The following SPRY1 variants were observed in gnomAD, a reference collection of about 807,000 sequenced individuals.
The protein encoded by SPRY1 is sprouty RTK signaling antagonist 1.
Under a neutral mutation model 22.6 loss-of-function variants are expected in SPRY1, and 20 were observed. That is an observed-to-expected ratio of 0.89 (90% confidence interval 0.62 to 1.29). SPRY1 has a LOEUF of 1.29. SPRY1 is among the 50% of genes most tolerant of loss of function. The pLI, the probability that SPRY1 is intolerant of heterozygous loss-of-function variation, is 0.00. For missense variants in SPRY1, 446 were observed against 387.7 expected (o/e 1.15, Z -1.26); for synonymous variants, 155 against 144.7 (o/e 1.07, Z -0.51).
At chr4:123,401,204 C>G (rs775357134) in intron 2 of SPRY1, among the ~76,000 whole-genome samples, 1 of 152,200 alleles carries the variant, frequency 6.6e-6, no homozygotes, top group African/African-American at 2.4e-5. Context: ...TGCTTATACT[C>G]AGTATTCCCT....
At chr4:123,400,112 A>G (rs2126195720) in intron 2 of SPRY1, 1 of 152,330 alleles carries the variant, frequency 6.6e-6, no homozygotes, top group Non-Finnish European at 1.5e-5. Flanking sequence ...CACTGAGTTA[A>G]GAAGTTCTTG....
In SPRY1 at chr4:123,401,805, G is replaced by A; in HGVS notation, c.214G>A (p.Glu72Lys). 6.2e-7 allele frequency: 1 copy of A among 1,614,216 alleles called. No homozygotes were observed. Among genetic ancestry groups the A allele is most frequent in the Non-Finnish European group, 8.5e-7 (1 of 1,180,054 alleles). Residue 72 changes from glutamate (E) to lysine (K), a missense_variant, in exon 3 of 3, where the codon GAA becomes AAA. Physicochemically the swap from Glu to Lys is moderately conservative, Grantham distance 56. Coordinates refer to ENST00000651917, the MANE Select transcript of SPRY1 (RefSeq NM_001258038.2). ...RPAPRTAPRQ[E>K]KHERTHEIIP... is the part of the protein sequence containing the mutation. ...TGCTCCTCGGACAGCACCAAGACAA[G>A]AAAAGCATGAAAGGACTCATGAAAT...
In SPRY1 at chr4:123,401,478, C is replaced by A. The variant is rs300573; in HGVS notation, c.-55-59C>A. 714,933 of 1,180,962 alleles carry A rather than the reference C, an allele frequency of 0.61. 223,299 individuals carry two copies. The highest frequency in any genetic ancestry group is 0.65 in the Non-Finnish European group (559,199 of 854,930). The allele number at this position is 1,180,962 out of a possible 1,614,324, so 73.2% of individuals were successfully genotyped here. A position where few individuals can be genotyped will look rare whatever the true frequency, so the allele number is the denominator to read the frequency against. On this transcript the variant is annotated intron_variant, in intron 2 of 2. Coordinates refer to ENST00000651917, the MANE Select transcript of SPRY1 (RefSeq NM_001258038.2). ...GTGATTTGACAGGATTCCCCCCCCC[C>A]AAAAAAAATGCTTCCTGTCATTTAT... is the stretch of plus-strand genomic sequence containing the variant.
At chr4:123,399,159 C>T (rs1470496700) in intron 2 of SPRY1, among the ~76,000 whole-genome samples, 2 of 152,098 alleles carry the variant, frequency 1.3e-5, no homozygotes, top group African/African-American at 4.8e-5. Context: ...CGCTGATCAC[C>T]TGAGGTCAGG....
chr4:123,402,287 CTCCAA>C lies in SPRY1; in HGVS notation c.698_702del (p.Ser233Ter), dbSNP rs1228429009. On this transcript the variant is annotated frameshift_variant, in exon 3 of 3. Transcript: ENST00000651917. LOFTEE classifies it high-confidence loss of function. ...TAGTCAAGGGCATCTTCTACCACTG[CTCCAA>C]TGACGACGAAGGGGATTCCTATTCA... is the stretch of plus-strand genomic sequence containing the variant. 6.2e-7 allele frequency: 1 copy of C among 1,614,250 alleles called. No individual in the cohort carries two copies. The highest frequency in any genetic ancestry group is 1.7e-5 in the Admixed American group (1 of 60,028).
chr4:123,397,433 T>A (rs1379276981), intron 1 of SPRY1, among the ~76,000 whole-genome samples, 178 bp from the exon 2 acceptor site: 1 of 152,184 alleles, frequency 6.6e-6, no homozygotes. Flanking sequence ...CAGGACTGCA[T>A]GTTACTTTGG....
In SPRY1 at chr4:123,401,554, A is replaced by T; in HGVS notation, c.-38A>T. 1 of 1,580,064 alleles carries T rather than the reference A, an allele frequency of 6.3e-7. No individual in the cohort carries two copies. On this transcript the variant is annotated 5_prime_UTR_variant, in exon 3 of 3. Coordinates refer to ENST00000651917, the MANE Select transcript of SPRY1 (RefSeq NM_001258038.2). ...CGTTTTAGGATTTCAGATGCATGCC[A>T]GGTTTCCACTGATTGCCAGAACTCG... is the stretch of plus-strand genomic sequence containing the variant.
Position 123,403,452 on chromosome 4 carries a change from T to G in SPRY1, c.*901T>G, listed in dbSNP as rs1218036270. ...GCCCCTTGGATAGTTAACAGCTGAG[T>G]AATTCTAATCTCTTCTGTGTTTTCC... On this transcript the variant is annotated 3_prime_UTR_variant, in exon 3 of 3. Coordinates refer to ENST00000651917, the MANE Select transcript of SPRY1 (RefSeq NM_001258038.2). The G allele has an allele frequency of 6.0e-6, 1 of 167,120 alleles. No homozygotes were observed. Among genetic ancestry groups the G allele is most frequent in the Non-Finnish European group, 1.5e-5 (1 of 68,122 alleles). The allele number at this position is 167,120 out of a possible 1,614,324, so 10.4% of individuals were successfully genotyped here.
In SPRY1 at chr4:123,402,461, C is replaced by T; in HGVS notation, c.870C>T (p.Ile290=). The change falls in exon 3 of 3, where the codon ATC becomes ATT. Residue 290 remains isoleucine, a synonymous_variant. Coordinates refer to ENST00000651917, the MANE Select transcript of SPRY1 (RefSeq NM_001258038.2). ...TGTGCAGGAGGTGTTATGACTGGAT[C>T]CATCGCCCAGGGTGCAGATGTAAGA... is the stretch of plus-strand genomic sequence containing the variant. ...LKLCRRCYDW[I]HRPGCRCKNS... The T allele has an allele frequency of 1.2e-6, 2 of 1,614,132 alleles. No homozygotes were observed. Among genetic ancestry groups the T allele is most frequent in the East Asian group, 2.2e-5 (1 of 44,878 alleles).
rs1002544590 is a variant in SPRY1 at position 123,403,707 on chromosome 4, G to A, written c.*1156G>A. On this transcript the variant is annotated 3_prime_UTR_variant, in exon 3 of 3. Coordinates refer to ENST00000651917, the MANE Select transcript of SPRY1 (RefSeq NM_001258038.2). ...TTAACGGAAAATAAGGTGACACGAA[G>A]AAAGTACATATGTTAACTATAATGC... is the stretch of plus-strand genomic sequence containing the variant. 1 of 167,048 alleles carries A rather than the reference G, an allele frequency of 6.0e-6. No homozygotes were observed. 10.3% of individuals were successfully genotyped at this position (167,048 alleles called of 1,614,324 possible).
chr4:123,402,628 G>C lies in SPRY1; in HGVS notation c.*77G>C, dbSNP rs300575. 0.1 allele frequency: 152,957 copies of C among 1,512,902 alleles called. 8,489 individuals are homozygous for C. Among genetic ancestry groups the C allele is most frequent in the Middle Eastern group, 0.16 (726 of 4,610 alleles). The allele number at this position is 1,512,902 out of a possible 1,614,324, so 93.7% of individuals were successfully genotyped here. On this transcript the variant is annotated 3_prime_UTR_variant, in exon 3 of 3. Transcript: ENST00000651917. ...GTTTTTTGTTTTTGTTTTTGTTTTT[G>C]TTTTCTTTAGAATTTTTCCCTGTTT...
At position 123,402,040 on chromosome 4, in the gene SPRY1, C is replaced by T. The variant is rs746928184; in HGVS notation, c.449C>T (p.Ser150Phe). ...ACCAGACCAGTCCCTGGTCATAGGT[C>T]TGAAAGGGCAATCCGGACCCAGCCC... ...PPTRPVPGHRSERAIRTQPKQ... is the reference protein window; with the variant it reads ...PPTRPVPGHRFERAIRTQPKQ... Residue 150 changes from serine (S) to phenylalanine (F), a missense_variant, in exon 3 of 3, where the codon TCT becomes TTT. Coordinates refer to ENST00000651917, the MANE Select transcript of SPRY1 (RefSeq NM_001258038.2). 9.6e-5 allele frequency: 155 copies of T among 1,614,134 alleles called. 1 individual carries two copies. The highest frequency in any genetic ancestry group is 5.1e-4 in the South Asian group (46 of 91,078).
intron 2 of SPRY1, chr4:123,398,601 G>A (rs1286901293): frequency 6.6e-6 from 1 of 152,264 alleles, no homozygotes; most frequent in Admixed American, 6.6e-5. Flanking sequence ...GGACTCGGCG[G>A]CGCTGCTGCC....
At position 123,397,781 on chromosome 4, in the gene SPRY1, TTC is replaced by T. The variant is rs927473617; in HGVS notation, c.-124_-123del. On this transcript the variant is annotated 5_prime_UTR_variant, in exon 2 of 3. Transcript: ENST00000651917. ...GGGGCACAAGGGACGACGCCCGCCT[TTC>T]TCTCTCCGAGAAGGATCCCCAAACC... The T allele has an allele frequency of 1.3e-5, 2 of 150,906 alleles. No individual in the cohort carries two copies. Among genetic ancestry groups the T allele is most frequent in the African/African-American group, 4.9e-5 (2 of 40,918 alleles). The allele number at this position is 150,906 out of a possible 1,614,324, so 9.3% of individuals were successfully genotyped here.
intron 2 of SPRY1, among the ~76,000 whole-genome samples, chr4:123,399,128 G>A (rs927501362): frequency 1.7e-5 from 2 of 116,070 alleles, no homozygotes; most frequent in East Asian, 2.4e-4. Flanking sequence ...TGTAATCCCA[G>A]CACTTGGGGG....
intron 2 of SPRY1, chr4:123,399,479 A>G (rs1725058087): frequency 2.0e-5 from 3 of 152,268 alleles, no homozygotes. Context: ...GTTTTCATTC[A>G]TAACTTTTTC....
chr4:123,399,652 C>T (rs1725069035), intron 2 of SPRY1: 2 of 152,280 alleles, frequency 1.3e-5, no homozygotes, highest in South Asian at 4.1e-4. Flanking sequence ...TGCTTAGGGT[C>T]AGCCAGACCG....
rs1491541836 is a variant in SPRY1 at position 123,403,609 on chromosome 4, T to TA, written c.*1059dup. On this transcript the variant is annotated 3_prime_UTR_variant, in exon 3 of 3. Transcript: ENST00000651917. ...AAAGAATATTTATTATGCGAATCTC[T>TA]ATTATTTTATGGTATTTATTGCAAA... 6.0e-6 allele frequency: 1 copy of TA among 167,088 alleles called. No individual in the cohort carries two copies. Among genetic ancestry groups the TA allele is most frequent in the Non-Finnish European group, 1.5e-5 (1 of 68,114 alleles). The allele number at this position is 167,088 out of a possible 1,614,324, so 10.4% of individuals were successfully genotyped here.
At chr4:123,400,788 C>T (rs142130927) in intron 2 of SPRY1, among the ~76,000 whole-genome samples, 1 of 152,196 alleles carries the variant, frequency 6.6e-6, no homozygotes, top group African/African-American at 2.4e-5. Flanking sequence ...GTGAGCCCTT[C>T]AGCTTAAAAA....
Sources: gnomAD v4.1 joint callset for allele counts (sites outside exome capture counted in the v4.1 genomes callset) on GRCh38, gnomAD v4.1.1 for gene constraint, MANE v1.5 for transcripts, NCBI Gene and HGNC (gene_info 2026-07-23, HGNC 2026-07-21) for gene names.